Variants in BICRA observed in about 807,000 individuals in gnomAD.
BICRA encodes BRD4-interacting chromatin-remodeling complex-associated protein.
In BICRA, 31 loss-of-function variants were observed where a neutral mutation model predicts 96.9. That is an observed-to-expected ratio of 0.32 (90% CI 0.24 to 0.43). BICRA has a LOEUF of 0.43. BICRA is among the 20% of genes least tolerant of loss of function. BICRA has a pLI of 1.00. For missense variants in BICRA, 2,283 were observed against 2,190.3 expected (o/e 1.04, Z -0.84); for synonymous variants, 1,350 against 1,071.8 (o/e 1.26, Z -5.07).
intron 1 of BICRA, among the ~76,000 whole-genome samples, chr19:47,637,188 CG>C (rs1972312296): frequency 6.6e-6 from 1 of 151,938 alleles, no homozygotes; most frequent in South Asian, 2.1e-4. Context: ...GGTGCAATCT[CG>C]GCTCACTGAA....
chr19:47,680,431 G>C lies in BICRA; in HGVS notation c.1261G>C (p.Ala421Pro). The C allele has an allele frequency of 1.3e-6, 2 of 1,537,506 alleles. No homozygotes were observed. Among genetic ancestry groups the C allele is most frequent in the Non-Finnish European group, 1.7e-6 (2 of 1,146,014 alleles). The change falls in exon 6 of 15, where the codon GCG (alanine) becomes CCG (proline). Residue 421 changes from alanine (A) to proline (P), a missense_variant. Transcript: ENST00000594866. ...GGGCTTCCCCGCGCCTGCGCTGCAA[G>C]CGAACGTCTTCAAGCAGCCACCGGC... The part of the protein sequence containing the change: ...LSGFPAPALQ[A>P]NVFKQPPATT...
chr19:47,696,660 C>A, intron 11 of BICRA, 148 bp downstream of exon 11: 1 of 679,194 alleles, frequency 1.5e-6, no homozygotes. Context: ...CCCTCATAGA[C>A]CCTCAGTTTC....
intron 1 of BICRA, among the ~76,000 whole-genome samples, chr19:47,632,170 G>C (rs1164560027): frequency 6.6e-6 from 1 of 152,220 alleles, no homozygotes; most frequent in Non-Finnish European, 1.5e-5. Context: ...TTATGCAAGA[G>C]TGTTTCCACC....
At position 47,680,477 on chromosome 19, in the gene BICRA, C is replaced by A; in HGVS notation, c.1307C>A (p.Pro436Gln). 6.5e-7 allele frequency: 1 copy of A among 1,541,586 alleles called. No homozygotes were observed. Residue 436 changes from proline (P) to glutamine (Q), a missense_variant, in exon 6 of 15, where the codon CCG becomes CAG. Transcript: ENST00000594866. ...QPPATTTGAAPPQPPGALSKP... is the reference protein window; with the variant it reads ...QPPATTTGAAQPQPPGALSKP... ...CCGGCCACCACCACCGGAGCGGCCC[C>A]GCCGCAGCCCCCCGGGGCCCTGAGC...
intron 1 of BICRA, among the ~76,000 whole-genome samples, chr19:47,618,441 G>C (rs1482497270): frequency 3.3e-5 from 5 of 152,268 alleles, no homozygotes; most frequent in Admixed American, 1.3e-4. Context: ...AAGATGTTTT[G>C]CAAGTGCCTG....
At chr19:47,697,162 A>G (rs1283353155) in intron 11 of BICRA, among the ~76,000 whole-genome samples, 1 of 151,958 alleles carries the variant, frequency 6.6e-6, no homozygotes, top group African/African-American at 2.4e-5. Flanking sequence ...GTCTGCCACC[A>G]TGCTCGGCTA....
In BICRA at chr19:47,618,268, G is replaced by C. The variant is rs113554642; in HGVS notation, c.-108+9100G>C. ...TGACCCTGGAGGTGATGGGCAACTG[G>C]GTCAGCTGTGTGGGTTAAAGTCCTG... On this transcript the variant is annotated intron_variant, in intron 1 of 14. Coordinates refer to ENST00000594866, the MANE Select transcript of BICRA (RefSeq NM_001394372.1). 6.0e-3 allele frequency among the ~76,000 whole-genome samples: 909 copies of C among 152,258 alleles called. 7 individuals carry two copies. Among genetic ancestry groups the C allele is most frequent in the African/African-American group, 0.021 (871 of 41,544 alleles).
chr19:47,651,011 A>G (rs1213351263), intron 1 of BICRA, among the ~76,000 whole-genome samples: 1 of 152,060 alleles, frequency 6.6e-6, no homozygotes. Context: ...ATCCATCTGC[A>G]AACCCTCTTG....
In BICRA at chr19:47,696,504, G is replaced by A. The variant is rs1973345659; in HGVS notation, c.3240G>A (p.Lys1080=). The change falls in exon 11 of 15, where the codon AAG becomes AAA. Residue 1080 remains lysine, a synonymous_variant. Transcript: ENST00000594866. The stretch of plus-strand genomic sequence containing the variant: ...AGCCCCCCACGCTTCAGCCCAGCAA[G>A]GAAGCCTGGTGAGTCCACACCCCAT... ...LKKPPTLQPS[K]EACFLEHLHK... is the part of the protein sequence containing the mutation. 6.2e-7 allele frequency: 1 copy of A among 1,603,248 alleles called. No homozygotes were observed. Among genetic ancestry groups the A allele is most frequent in the African/African-American group, 1.3e-5 (1 of 74,656 alleles).
chr19:47,642,859 G>T (rs1440278778), intron 1 of BICRA, among the ~76,000 whole-genome samples: 3 of 152,236 alleles, frequency 2.0e-5, no homozygotes, highest in Admixed American at 2.0e-4. Flanking sequence ...GTTCTAACGG[G>T]TATGTAGTAA....
intron 1 of BICRA, among the ~76,000 whole-genome samples, chr19:47,609,610 C>T (rs1442420950): frequency 4.6e-5 from 7 of 151,696 alleles, no homozygotes; most frequent in East Asian, 2.0e-4. Context: ...GGCGCGGAGA[C>T]CCCCTCCCCG....
intron 7 of BICRA, among the ~76,000 whole-genome samples, chr19:47,691,213 G>A (rs1175073522): frequency 6.6e-6 from 1 of 152,216 alleles, no homozygotes; most frequent in Non-Finnish European, 1.5e-5. Context: ...CTCTCCAAAG[G>A]GCAGCACATG....
intron 1 of BICRA, among the ~76,000 whole-genome samples, chr19:47,623,115 A>G (rs1177950190): frequency 6.6e-6 from 1 of 151,944 alleles, no homozygotes; most frequent in Non-Finnish European, 1.5e-5. Flanking sequence ...AAAACTATAC[A>G]TTATTATATA....
chr19:47,683,582 C>G (rs1433954771), intron 7 of BICRA, among the ~76,000 whole-genome samples: 2 of 138,878 alleles, frequency 1.4e-5, no homozygotes, highest in African/African-American at 2.6e-5. Flanking sequence ...TTAGGGAGGG[C>G]TACGTTCTTT....
chr19:47,687,217 A>C (rs1973172892), intron 7 of BICRA, among the ~76,000 whole-genome samples: 1 of 152,200 alleles, frequency 6.6e-6, no homozygotes, highest in Admixed American at 6.6e-5. Context: ...GACCATATGT[A>C]AATGAATGAA....
chr19:47,645,181 C>G (rs1314752588), intron 1 of BICRA, among the ~76,000 whole-genome samples: 1 of 152,222 alleles, frequency 6.6e-6, no homozygotes, highest in East Asian at 1.9e-4. Context: ...GTTGCATTTA[C>G]TTGTCTGGTC....
chr19:47,638,990 T>C (rs1370617483), intron 1 of BICRA, among the ~76,000 whole-genome samples: 1 of 151,464 alleles, frequency 6.6e-6, no homozygotes, highest in Non-Finnish European at 1.5e-5. Context: ...CTGGCCTTTG[T>C]TTTTCCTTTT....
intron 1 of BICRA, among the ~76,000 whole-genome samples, chr19:47,667,313 C>T (rs1401609222): frequency 1.3e-5 from 2 of 152,200 alleles, no homozygotes; most frequent in African/African-American, 4.8e-5. Context: ...CAGCGCCTGG[C>T]CCTATTCATG....
chr19:47,640,927 TCTCA>T (rs1972375548), intron 1 of BICRA, among the ~76,000 whole-genome samples: 1 of 126,554 alleles, frequency 7.9e-6, no homozygotes, highest in Non-Finnish European at 1.6e-5. Flanking sequence ...TGAGACAGAG[TCTCA>T]CTCTGTCACC....
Sources: allele counts gnomAD v4.1 joint callset (sites outside exome capture counted in the v4.1 genomes callset), GRCh38; gene constraint gnomAD v4.1.1; transcripts MANE v1.5; gene names NCBI Gene and HGNC (gene_info 2026-07-23, HGNC 2026-07-21).